PTPRT: variants seen among roughly 807,000 people sequenced by gnomAD.
The protein encoded by PTPRT is receptor-type tyrosine-protein phosphatase T.
In PTPRT, 56 loss-of-function variants were observed where a neutral mutation model predicts 176.8. The observed-to-expected ratio is 0.32, with a 90% CI of 0.26 to 0.40. The LOEUF (loss-of-function observed/expected upper bound fraction) is 0.40. PTPRT is among the 10% of genes least tolerant of loss of function. The pLI, the probability that PTPRT is intolerant of heterozygous loss-of-function variation, is 1.00. For missense variants in PTPRT, 1,540 were observed against 1,908.2 expected (o/e 0.81, Z 3.60); for synonymous variants, 783 against 739.0 (o/e 1.06, Z -0.96).
the PTPRT span, among the ~76,000 whole-genome samples, chr20:42,037,041 A>G: frequency 6.6e-6 from 1 of 152,194 alleles, no homozygotes; most frequent in Non-Finnish European, 1.5e-5. Context: ...GGTCCTCATC[A>G]TGGCCAGAAG....
chr20:42,188,247 C>G (rs892713183), intron 16 of PTPRT, among the ~76,000 whole-genome samples: 4 of 152,138 alleles, frequency 2.6e-5, no homozygotes, highest in Non-Finnish European at 4.4e-5. Context: ...GGGGACACTT[C>G]AATGATTAGA....
intron 7 of PTPRT, among the ~76,000 whole-genome samples, chr20:42,588,316 C>T (rs755141558): frequency 7.2e-5 from 11 of 151,972 alleles, no homozygotes; most frequent in Non-Finnish European, 1.0e-4. Flanking sequence ...TGGTGGTGCA[C>T]GCCAGTAATC....
chr20:42,595,383 A>T (rs2073653165), intron 7 of PTPRT, among the ~76,000 whole-genome samples: 1 of 152,068 alleles, frequency 6.6e-6, no homozygotes, highest in Admixed American at 6.5e-5. Context: ...TACCCAGAAG[A>T]TGCCAGTAGT....
At chr20:42,350,846 A>G (rs2058273301) in intron 10 of PTPRT, 116 bp from the exon 11 acceptor site, 1 of 770,130 alleles carries the variant, frequency 1.3e-6, no homozygotes, top group Non-Finnish European at 2.2e-6. Flanking sequence ...ACGTTTAGGA[A>G]AGGGGTTGGA....
intron 29 of PTPRT, among the ~76,000 whole-genome samples, chr20:42,082,816 C>A (rs1355519487): frequency 6.6e-6 from 1 of 152,152 alleles, no homozygotes; most frequent in African/African-American, 2.4e-5. Context: ...GGGCGTGTTG[C>A]CAAGAGCAAC....
At chr20:42,995,405 C>T (rs764856920) in intron 1 of PTPRT, among the ~76,000 whole-genome samples, 3 of 152,044 alleles carry the variant, frequency 2.0e-5, no homozygotes, top group Admixed American at 6.5e-5. Flanking sequence ...CTGGGAGAAC[C>T]GAGTTCTAAT....
At chr20:43,066,404 A>C (rs1600687139) in intron 1 of PTPRT, among the ~76,000 whole-genome samples, 1 of 152,176 alleles carries the variant, frequency 6.6e-6, no homozygotes, top group East Asian at 1.9e-4. Flanking sequence ...GTCTTTTAAA[A>C]TGAGATTAAC....
intron 9 of PTPRT, among the ~76,000 whole-genome samples, chr20:42,399,405 C>A (rs80256466): frequency 0.021 from 3,210 of 152,358 alleles, 52 homozygotes; most frequent in Non-Finnish European, 0.033. Context: ...ATATGAGAAG[C>A]CACCCTTAGT....
chr20:42,748,826 A>T (rs2076727706), intron 6 of PTPRT, among the ~76,000 whole-genome samples: 1 of 151,718 alleles, frequency 6.6e-6, no homozygotes, highest in Non-Finnish European at 1.5e-5. Context: ...CCTCCTCCAC[A>T]CCCCAGGGGT....
intron 2 of PTPRT, among the ~76,000 whole-genome samples, chr20:42,820,142 A>T (rs556514338): frequency 1.4e-4 from 20 of 144,292 alleles, no homozygotes; most frequent in South Asian, 4.3e-4. Flanking sequence ...CATGGCACTT[A>T]TGCTAAATCA....
chr20:42,578,725 C>T (rs6030341), intron 7 of PTPRT, among the ~76,000 whole-genome samples: 66,730 of 151,958 alleles, frequency 0.44, 15,061 homozygotes, highest in South Asian at 0.59. Flanking sequence ...TGCCCTATCT[C>T]GGATCTGCAA....
chr20:42,392,669 T>C (rs1439168257), intron 9 of PTPRT, among the ~76,000 whole-genome samples: 2 of 152,038 alleles, frequency 1.3e-5, no homozygotes, highest in Non-Finnish European at 2.9e-5. Flanking sequence ...AGTATAAGGA[T>C]TGGAAAAGCC....
intron 1 of PTPRT, among the ~76,000 whole-genome samples, chr20:43,109,096 C>T (rs571648893): frequency 5.9e-5 from 9 of 152,186 alleles, no homozygotes; most frequent in African/African-American, 2.2e-4. Context: ...CCCCGCTTTC[C>T]CTTTCTCTGC....
At chr20:43,110,950 G>T (rs1007496736) in intron 1 of PTPRT, among the ~76,000 whole-genome samples, 1 of 152,180 alleles carries the variant, frequency 6.6e-6, no homozygotes, top group Non-Finnish European at 1.5e-5. Context: ...CTCGAATGAG[G>T]TCCAATGTGG....
intron 7 of PTPRT, among the ~76,000 whole-genome samples, chr20:42,613,462 C>T (rs2074008815): frequency 6.6e-6 from 1 of 152,228 alleles, no homozygotes; most frequent in Non-Finnish European, 1.5e-5. Flanking sequence ...ACACACACAG[C>T]TTAGGTAACT....
intron 1 of PTPRT, among the ~76,000 whole-genome samples, chr20:42,888,425 T>C (rs973811477): frequency 1.3e-5 from 2 of 152,212 alleles, no homozygotes; most frequent in East Asian, 1.9e-4. Flanking sequence ...CGATTACATA[T>C]ACTATCTCAT....
intron 7 of PTPRT, among the ~76,000 whole-genome samples, chr20:42,524,451 G>A (rs903952693): frequency 6.6e-5 from 10 of 152,094 alleles, no homozygotes; most frequent in African/African-American, 1.7e-4. Flanking sequence ...TTCATTTTGC[G>A]GATTTTTCGC....
At chr20:42,061,766 C>T in the PTPRT span, among the ~76,000 whole-genome samples, 3 of 152,218 alleles carry the variant, frequency 2.0e-5, no homozygotes, top group Non-Finnish European at 4.4e-5. Context: ...TCAAAAATCT[C>T]ACCCTGGGAT....
chr20:42,464,439 G>A (rs1472311472), intron 8 of PTPRT, among the ~76,000 whole-genome samples: 3 of 152,180 alleles, frequency 2.0e-5, no homozygotes, highest in Non-Finnish European at 4.4e-5. Flanking sequence ...TATATATTGG[G>A]TGGTCAGGGA....
Sources: allele counts gnomAD v4.1 joint callset (sites outside exome capture counted in the v4.1 genomes callset), GRCh38; gene constraint gnomAD v4.1.1; transcripts MANE v1.5; gene names NCBI Gene and HGNC (gene_info 2026-07-23, HGNC 2026-07-21).